The following GRHL2 variants were observed in gnomAD, a reference collection of about 807,000 sequenced individuals.
The protein encoded by GRHL2 is grainyhead like transcription factor 2.
GRHL2 carries 21 observed loss-of-function variants against 83.8 expected under a neutral mutation model. The ratio of observed to expected loss-of-function variants is 0.25; its 90% confidence interval spans 0.18 to 0.36. GRHL2 has a LOEUF of 0.36. GRHL2 is among the 10% of genes least tolerant of loss of function. The probability of loss-of-function intolerance (pLI) is 1.00; values close to 1 mark genes in which losing one functional copy is unlikely to be tolerated. For synonymous variants in GRHL2, 280 were observed against 278.9 expected, an observed-to-expected ratio of 1.00 and a Z score of -0.04; for missense variants, 623 against 781.8, an observed-to-expected ratio of 0.80 and a Z score of 2.42.
At position 101,534,570 on chromosome 8, in the gene GRHL2, G is replaced by A. The variant is rs144608382; in HGVS notation, c.21-8671G>A. ...CCAGTGTGGGAGAGGACTCACGAGG[G>A]TGTGAATTCTAGGAGTCAAGGATCA... On this transcript the variant is annotated intron_variant, in intron 1 of 15. Transcript: ENST00000646743. 5.3e-3 allele frequency among the ~76,000 whole-genome samples: 799 copies of A among 152,158 alleles called. 6 individuals are homozygous for A. The highest frequency in any genetic ancestry group is 0.018 in the African/African-American group (751 of 41,504).
intron 14 of GRHL2, among the ~76,000 whole-genome samples, chr8:101,660,695 C>T (rs1024214193): frequency 1.3e-5 from 2 of 152,060 alleles, no homozygotes; most frequent in Non-Finnish European, 2.9e-5. Flanking sequence ...TTATTATTTA[C>T]GTTTCCTAAA....
At chr8:101,677,212 C>CAATAATAAT in the GRHL2 span, among the ~76,000 whole-genome samples, 1 of 150,732 alleles carries the variant, frequency 6.6e-6, no homozygotes, top group Admixed American at 6.6e-5. Context: ...TAAATAATAA[C>CAATAATAAT]AATAATAATA....
At chr8:101,587,890 T>C (rs1812200713) in intron 7 of GRHL2, among the ~76,000 whole-genome samples, 1 of 152,242 alleles carries the variant, frequency 6.6e-6, no homozygotes, top group South Asian at 2.1e-4. Context: ...TATATGTCTT[T>C]GTAACATCCA....
chr8:101,664,321 A>G (rs779072533), intron 14 of GRHL2, 133 bp from the exon 15 acceptor site: 16 of 674,082 alleles, frequency 2.4e-5, no homozygotes, highest in Admixed American at 1.6e-4. Context: ...GAGTGTTTTG[A>G]GAGTTCGACT....
intron 14 of GRHL2, 147 bp from the exon 15 acceptor site, chr8:101,664,307 A>C: frequency 1.5e-6 from 1 of 659,466 alleles, no homozygotes; most frequent in Non-Finnish European, 2.7e-6. Context: ...AGAGGCTCAT[A>C]AATGAGTGTT....
intron 1 of GRHL2, chr8:101,542,933 G>A: frequency 2.3e-6 from 1 of 443,960 alleles, no homozygotes; most frequent in Admixed American, 2.7e-5. Context: ...AACACCATGT[G>A]GGAGCCCTAC....
At chr8:101,528,552 C>T (rs568000920) in intron 1 of GRHL2, among the ~76,000 whole-genome samples, 1 of 152,138 alleles carries the variant, frequency 6.6e-6, no homozygotes, top group East Asian at 1.9e-4. Context: ...CATGTGCCCT[C>T]ATTGCAAGGC....
intron 7 of GRHL2, among the ~76,000 whole-genome samples, chr8:101,596,710 G>A (rs1000378642): frequency 2.6e-5 from 4 of 152,184 alleles, no homozygotes; most frequent in Admixed American, 6.5e-5. Context: ...AGAAAGGTAG[G>A]CAGAGAGAAA....
intron 9 of GRHL2, among the ~76,000 whole-genome samples, chr8:101,625,465 G>T (rs745594540): frequency 2.0e-5 from 3 of 152,044 alleles, no homozygotes; most frequent in Non-Finnish European, 2.9e-5. Flanking sequence ...GACAATTATT[G>T]ATTGATTATA....
intron 9 of GRHL2, among the ~76,000 whole-genome samples, chr8:101,622,489 T>C (rs1812985625): frequency 1.3e-5 from 2 of 152,186 alleles, no homozygotes; most frequent in South Asian, 4.1e-4. Flanking sequence ...TGTGACAGTA[T>C]ATTCTGACAA....
intron 7 of GRHL2, among the ~76,000 whole-genome samples, chr8:101,583,103 A>G (rs1331856616): frequency 6.6e-6 from 1 of 152,240 alleles, no homozygotes; most frequent in African/African-American, 2.4e-5. Flanking sequence ...CAAATAGAAT[A>G]CTGTGACAAA....
At chr8:101,663,345 G>A (rs1813965204) in intron 14 of GRHL2, among the ~76,000 whole-genome samples, 1 of 152,124 alleles carries the variant, frequency 6.6e-6, no homozygotes, top group Admixed American at 6.5e-5. Context: ...CGGGTGTGGT[G>A]GCTCACGTCT....
chr8:101,561,786 T>A (rs1679790089), intron 4 of GRHL2, among the ~76,000 whole-genome samples: 1 of 152,246 alleles, frequency 6.6e-6, no homozygotes, highest in Non-Finnish European at 1.5e-5. Flanking sequence ...AGAATTTTCA[T>A]GATTTATGTA....
At chr8:101,572,939 G>A (rs976142539) in intron 5 of GRHL2, among the ~76,000 whole-genome samples, 2 of 152,214 alleles carry the variant, frequency 1.3e-5, no homozygotes, top group African/African-American at 2.4e-5. Flanking sequence ...CCTTGCTGCT[G>A]TAGTACGAAA....
At chr8:101,656,873 GACACACACACACACAC>G (rs35693999) in intron 14 of GRHL2, among the ~76,000 whole-genome samples, 1 of 147,270 alleles carries the variant, frequency 6.8e-6, no homozygotes, top group Non-Finnish European at 1.5e-5. Flanking sequence ...GTGTCTAACA[GACACACACACACACAC>G]ACACACACAC....
intron 8 of GRHL2, among the ~76,000 whole-genome samples, chr8:101,615,271 T>C (rs535894805): frequency 6.6e-6 from 1 of 152,362 alleles, no homozygotes; most frequent in African/African-American, 2.4e-5. Flanking sequence ...CCCACTTAAA[T>C]GGCCCTTGTA....
In GRHL2 at chr8:101,510,821, G is replaced by A. The variant is rs550773689; in HGVS notation, c.20+18032G>A. Among the ~76,000 whole-genome samples the A allele has an allele frequency of 7.4e-4, 113 of 152,256 alleles. 1 individual carries two copies. Among genetic ancestry groups the A allele is most frequent in the African/African-American group, 2.5e-3 (105 of 41,550 alleles). On this transcript the variant is annotated intron_variant, in intron 1 of 15. Transcript: ENST00000646743. ...AAAATTTTTCACTTGTCGGCCGGGC[G>A]TGGTGGCTCATACCTGTAATCCCAG...
In GRHL2 at chr8:101,542,524, G is replaced by A. The variant is rs565581003; in HGVS notation, c.21-717G>A. Among the ~76,000 whole-genome samples the A allele has an allele frequency of 1.7e-4, 25 of 149,116 alleles. No homozygotes were observed. The South Asian group carries it at 5.3e-3, about 31-fold the overall frequency. ...GCCGAGATTGCACCATTGCACTCCA[G>A]CCTGGACAACAAGAGTGAAACTCCG... On this transcript the variant is annotated intron_variant, in intron 1 of 15. Transcript: ENST00000646743.
chr8:101,623,808 C>G (rs1215473526), intron 9 of GRHL2, among the ~76,000 whole-genome samples: 1 of 151,458 alleles, frequency 6.6e-6, no homozygotes, highest in African/African-American at 2.4e-5. Context: ...CACAGTAGGA[C>G]AGTTTACAGT....
Sources: allele counts gnomAD v4.1 joint callset (sites outside exome capture counted in the v4.1 genomes callset), GRCh38; gene constraint gnomAD v4.1.1; transcripts MANE v1.5; gene names NCBI Gene and HGNC (gene_info 2026-07-23, HGNC 2026-07-21).